Variants in COL4A6 observed in about 807,000 individuals in gnomAD.
COL4A6 encodes collagen type IV alpha 6 chain.
A neutral mutation model predicts 126.7 loss-of-function variants in COL4A6; 59 were observed. That is an observed-to-expected ratio of 0.47 (90% CI 0.38 to 0.58). COL4A6 has a LOEUF of 0.58. COL4A6 is among the 20% of genes least tolerant of loss of function. COL4A6 has a pLI of 0.00. For missense variants in COL4A6, 1,285 were observed against 1,337.3 expected, an observed-to-expected ratio of 0.96 and a Z score of 0.61; for synonymous variants, 547 against 496.6, an observed-to-expected ratio of 1.10 and a Z score of -1.35.
intron 37 of COL4A6, among the ~76,000 whole-genome samples, chrX:108,168,065 T>C (rs1401471970): frequency 8.9e-6 from 1 of 112,599 alleles, no homozygotes; most frequent in African/African-American, 3.2e-5. Flanking sequence ...TGTATTCCTC[T>C]GTGACATGTT....
chrX:108,240,754 C>CA, intron 3 of COL4A6, among the ~76,000 whole-genome samples: 1 of 112,142 alleles, frequency 8.9e-6, no homozygotes, highest in South Asian at 3.7e-4. Context: ...AATTTTCTGA[C>CA]AAAAATGTCA....
chrX:108,284,254 T>C (rs765060756), intron 3 of COL4A6, among the ~76,000 whole-genome samples: 62 of 98,968 alleles, frequency 6.3e-4, no homozygotes, highest in Admixed American at 3.5e-3. Context: ...AAGTGGGAGT[T>C]GAACAATGAG....
chrX:108,308,032 A>G (rs894375780), intron 3 of COL4A6, among the ~76,000 whole-genome samples: 3 of 112,078 alleles, frequency 2.7e-5, no homozygotes, highest in African/African-American at 9.7e-5. Flanking sequence ...TTGCAAATAC[A>G]TTTTTAGGAA....
At chrX:108,176,275 A>T (rs1391180255) in intron 28 of COL4A6, among the ~76,000 whole-genome samples, 2 of 103,843 alleles carry the variant, frequency 1.9e-5, no homozygotes, top group Admixed American at 1.0e-4. Flanking sequence ...CAGTGAGCTG[A>T]GATCGTGCCA....
chrX:108,433,074 G>C (rs2064202247), intron 2 of COL4A6, among the ~76,000 whole-genome samples: 1 of 111,329 alleles, frequency 9.0e-6, no homozygotes, highest in Non-Finnish European at 1.9e-5. Context: ...TGGTGATGAA[G>C]ACTAGACAAT....
At chrX:108,279,685 A>G (rs1426441636) in intron 3 of COL4A6, among the ~76,000 whole-genome samples, 1 of 111,675 alleles carries the variant, frequency 9.0e-6, no homozygotes, top group African/African-American at 3.3e-5. Context: ...ATCAACAGAA[A>G]ATACATTTTT....
chrX:108,385,372 C>A (rs1055634631), intron 2 of COL4A6, among the ~76,000 whole-genome samples: 1 of 111,115 alleles, frequency 9.0e-6, no homozygotes, highest in African/African-American at 3.3e-5. Flanking sequence ...AAAAACACGA[C>A]TATGTTCATA....
At chrX:108,285,456 T>A (rs1281477235) in intron 3 of COL4A6, among the ~76,000 whole-genome samples, 1 of 111,738 alleles carries the variant, frequency 8.9e-6, no homozygotes, top group Non-Finnish European at 1.9e-5. Context: ...TTTATCGGGG[T>A]AAAGTGGAAA....
At chrX:108,421,385 C>A (rs907692486) in intron 2 of COL4A6, among the ~76,000 whole-genome samples, 3 of 111,734 alleles carry the variant, frequency 2.7e-5, no homozygotes, top group African/African-American at 9.8e-5. Flanking sequence ...CAAGAGAGTG[C>A]AGAAGCTAAG....
chrX:108,287,555 G>C (rs2038041482), intron 3 of COL4A6, among the ~76,000 whole-genome samples: 1 of 111,640 alleles, frequency 9.0e-6, no homozygotes, highest in African/African-American at 3.3e-5. Flanking sequence ...GATGCTATGT[G>C]AGTTATAAAG....
At chrX:108,439,419 A>C (rs1603240701), upstream of COL4A6, 1 of 715,820 alleles carries the variant, frequency 1.4e-6, no homozygotes, top group Non-Finnish European at 2.0e-6. Flanking sequence ...TTGTATGTAG[A>C]AACTCTCTGT....
intron 3 of COL4A6, among the ~76,000 whole-genome samples, chrX:108,271,341 T>A (rs2037447369): frequency 8.9e-6 from 1 of 112,105 alleles, no homozygotes; most frequent in Non-Finnish European, 1.9e-5. Flanking sequence ...AAAATCCCAT[T>A]GGGCTGACTA....
chrX:108,309,197 A>G (rs1209854655), intron 3 of COL4A6, among the ~76,000 whole-genome samples: 2 of 110,798 alleles, frequency 1.8e-5, no homozygotes, highest in African/African-American at 3.3e-5. Context: ...GTTATTCAAG[A>G]ATGTGTTCAT....
At chrX:108,332,024 A>T (rs182425212) in intron 2 of COL4A6, among the ~76,000 whole-genome samples, 1 of 111,298 alleles carries the variant, frequency 9.0e-6, no homozygotes, top group East Asian at 2.8e-4. Context: ...TTTTTGGAGT[A>T]TCCAATGTCT....
rs769785668 is a variant in COL4A6 at position 108,160,449 on chromosome X, G to C, written c.4525+14C>G. On this transcript the variant is annotated intron_variant, in intron 43 of 44. Coordinates refer to ENST00000334504, the MANE Select transcript of COL4A6 (RefSeq NM_033641.4). ...GACAGGTGACCAGGGCTGGCTGTCA[G>C]AGCTGGTACCTACCCAGGTCCTGGT... 172 of 1,182,847 alleles carry C rather than the reference G, an allele frequency of 1.5e-4. No homozygotes were observed. The Middle Eastern group carries it at 8.3e-3, about 57-fold the overall frequency.
At chrX:108,256,342 C>G in intron 3 of COL4A6, among the ~76,000 whole-genome samples, 1 of 112,079 alleles carries the variant, frequency 8.9e-6, no homozygotes, top group Middle Eastern at 4.6e-3. Flanking sequence ...CTTACTGGCT[C>G]TAGCATCCTG....
At chrX:108,272,690 CT>C (rs1245112332) in intron 3 of COL4A6, among the ~76,000 whole-genome samples, 139 of 103,911 alleles carry the variant, frequency 1.3e-3, no homozygotes, top group African/African-American at 2.2e-3. Flanking sequence ...TCCAGAAATG[CT>C]TTTTTTTTTT....
At chrX:108,309,801 A>AACACACACACACAC (rs4036315) in intron 3 of COL4A6, among the ~76,000 whole-genome samples, 7 of 80,885 alleles carry the variant, frequency 8.7e-5, no homozygotes, top group African/African-American at 4.6e-5. Flanking sequence ...TAATCCTGGA[A>AACACACACACACAC]ACACACACAC....
At chrX:108,386,489 C>G (rs925533544) in intron 2 of COL4A6, among the ~76,000 whole-genome samples, 4 of 112,258 alleles carry the variant, frequency 3.6e-5, no homozygotes, top group Admixed American at 9.4e-5. Context: ...AGCAATTTTT[C>G]CATACATTTG....
Sources: gnomAD v4.1 joint callset for allele counts (sites outside exome capture counted in the v4.1 genomes callset) on GRCh38, gnomAD v4.1.1 for gene constraint, MANE v1.5 for transcripts, NCBI Gene and HGNC (gene_info 2026-07-23, HGNC 2026-07-21) for gene names.